FOXP2: variants seen among roughly 807,000 people sequenced by gnomAD.
FOXP2 encodes forkhead box protein P2.
FOXP2 carries 12 observed loss-of-function variants against 115.8 expected under a neutral mutation model. The observed-to-expected ratio is 0.10, with a 90% CI of 0.07 to 0.17. The LOEUF (loss-of-function observed/expected upper bound fraction) is 0.17. FOXP2 is among the 10% of genes least tolerant of loss of function. FOXP2 has a pLI of 1.00. For missense variants in FOXP2, 629 were observed against 843.5 expected, an observed-to-expected ratio of 0.75 and a Z score of 3.15; for synonymous variants, 328 against 297.7, an observed-to-expected ratio of 1.10 and a Z score of -1.05.
rs139642996 is a variant in FOXP2 at position 114,550,845 on chromosome 7, A to G, written c.258+16139A>G. 2.7e-3 allele frequency among the ~76,000 whole-genome samples: 415 copies of G among 152,354 alleles called. 2 individuals carry two copies. The highest frequency in any genetic ancestry group is 4.5e-3 in the Non-Finnish European group (307 of 68,020). ...TTTAAAAGAAACATCTGTTCTAAGA[A>G]TAATTGATAGTAAGCAATATTTTTT... On this transcript the variant is annotated intron_variant, in intron 3 of 16. Transcript: ENST00000350908.
chr7:114,420,866 A>C lies in FOXP2; in HGVS notation c.-11+5506A>C, dbSNP rs146438865. Among the ~76,000 whole-genome samples, 5 of 151,960 alleles carry C rather than the reference A, an allele frequency of 3.3e-5. No homozygotes were observed. The East Asian group carries it at 9.7e-4, about 29-fold the overall frequency. On this transcript the variant is annotated intron_variant, in intron 1 of 16. Transcript: ENST00000350908. Reference sequence around the variant, plus strand: ...TTAAAAGGAAGACTGACAATTTAGCATGTACCTTGAAAAGTAAAAATTGGT... The same window carrying C: ...TTAAAAGGAAGACTGACAATTTAGCCTGTACCTTGAAAAGTAAAAATTGGT...
intron 2 of FOXP2, chr7:114,462,949 G>T: frequency 9.9e-6 from 3 of 303,150 alleles, no homozygotes; most frequent in South Asian, 7.7e-5. Context: ...AATGATACAA[G>T]AATCAATCAA....
chr7:114,472,751 A>C (rs892183516), intron 2 of FOXP2, among the ~76,000 whole-genome samples: 14 of 152,130 alleles, frequency 9.2e-5, no homozygotes, highest in African/African-American at 3.1e-4. Flanking sequence ...AGTTCAGATA[A>C]GGTTTTCCTT....
chr7:114,640,544 C>A (rs1246633953), intron 6 of FOXP2, among the ~76,000 whole-genome samples: 1 of 152,128 alleles, frequency 6.6e-6, no homozygotes, highest in Non-Finnish European at 1.5e-5. Context: ...TTCCTATTGG[C>A]TACTGGCCAA....
intron 2 of FOXP2, among the ~76,000 whole-genome samples, chr7:114,377,965 C>T (rs1239086713): frequency 6.6e-6 from 1 of 152,106 alleles, no homozygotes; most frequent in Non-Finnish European, 1.5e-5. Context: ...CATGCTCGCT[C>T]CCCTCTCTCC....
At chr7:114,301,300 T>C (rs1796874380) in intron 2 of FOXP2, among the ~76,000 whole-genome samples, 1 of 152,134 alleles carries the variant, frequency 6.6e-6, no homozygotes, top group Non-Finnish European at 1.5e-5. Context: ...AAAATACCTT[T>C]ATTTCATACA....
At chr7:114,368,704 C>A (rs1791937775) in intron 2 of FOXP2, among the ~76,000 whole-genome samples, 1 of 152,212 alleles carries the variant, frequency 6.6e-6, no homozygotes, top group East Asian at 1.9e-4. Context: ...GTGTTGCATG[C>A]TGCTAACTGC....
chr7:114,269,804 A>T (rs928672526), intron 1 of FOXP2, among the ~76,000 whole-genome samples: 11 of 152,184 alleles, frequency 7.2e-5, no homozygotes, highest in Non-Finnish European at 1.5e-4. Flanking sequence ...CTCAGTAAAA[A>T]GGATAAATTT....
chr7:114,590,585 G>T (rs1420094639), intron 3 of FOXP2, among the ~76,000 whole-genome samples: 2 of 152,146 alleles, frequency 1.3e-5, no homozygotes, highest in African/African-American at 4.8e-5. Flanking sequence ...CTTATATGCA[G>T]ATATATGCAG....
chr7:114,652,055 C>A (rs1215709546), intron 8 of FOXP2, 148 bp from the exon 9 acceptor site: 2 of 725,402 alleles, frequency 2.8e-6, no homozygotes, highest in African/African-American at 3.5e-5. Context: ...ACGTAAGCAG[C>A]TTTAACTTTT....
chr7:114,476,362 A>G (rs1371424817), intron 2 of FOXP2, among the ~76,000 whole-genome samples: 4 of 151,944 alleles, frequency 2.6e-5, no homozygotes, highest in Non-Finnish European at 2.9e-5. Context: ...TCCCAGAGCT[A>G]TTTATTGAAT....
At chr7:114,114,334 AATTCTACAAAAGATTTCTTGTGTTGG>A (rs557053834) in intron 1 of FOXP2, among the ~76,000 whole-genome samples, 126 of 151,802 alleles carry the variant, frequency 8.3e-4, no homozygotes, top group African/African-American at 3.0e-3. Flanking sequence ...CTTTGGACTA[AATTCTACAAAAGATTTCTTGTGTTGG>A]ATCTTACTTG....
intron 1 of FOXP2, among the ~76,000 whole-genome samples, chr7:114,271,230 G>C (rs946903071): frequency 6.6e-6 from 1 of 151,520 alleles, no homozygotes; most frequent in Non-Finnish European, 1.5e-5. Context: ...CAAACAAAGA[G>C]AGTTTTATTT....
At chr7:114,377,616 C>T (rs945406347) in intron 2 of FOXP2, among the ~76,000 whole-genome samples, 1 of 152,158 alleles carries the variant, frequency 6.6e-6, no homozygotes, top group Non-Finnish European at 1.5e-5. Flanking sequence ...TCTTACTGGA[C>T]AGTGGACTGG....
intron 2 of FOXP2, among the ~76,000 whole-genome samples, chr7:114,372,504 A>C (rs1792037977): frequency 6.6e-6 from 1 of 152,228 alleles, no homozygotes; most frequent in Non-Finnish European, 1.5e-5. Context: ...AAACTATTTT[A>C]AAAGCACTGA....
chr7:114,546,607 C>A (rs1376778366), intron 3 of FOXP2, among the ~76,000 whole-genome samples: 1 of 152,084 alleles, frequency 6.6e-6, no homozygotes, highest in Non-Finnish European at 1.5e-5. Flanking sequence ...CACCCCTTAT[C>A]TGATTGGCAA....
chr7:114,324,116 T>C (rs956669382), intron 2 of FOXP2, among the ~76,000 whole-genome samples: 1 of 151,860 alleles, frequency 6.6e-6, no homozygotes, highest in Admixed American at 6.6e-5. Context: ...CACTAGGACC[T>C]TTTTTTCTTT....
In FOXP2 at chr7:114,290,364, G is replaced by A. The variant is rs567422783; in HGVS notation, c.-11+2255G>A. ...GGTAAATGCATAGTTAGGCATGTGG[G>A]TGGATGTGTTTTACTTCAAGATATT... On this transcript the variant is annotated intron_variant, in intron 2 of 17. Transcript: ENST00000634411. Among the ~76,000 whole-genome samples, 71 of 152,084 alleles carry A rather than the reference G, an allele frequency of 4.7e-4. 1 individual carries two copies. The highest frequency in any genetic ancestry group is 8.8e-4 in the Non-Finnish European group (60 of 67,946).
At chr7:114,316,650 T>C (rs1439251381) in intron 2 of FOXP2, among the ~76,000 whole-genome samples, 2 of 151,988 alleles carry the variant, frequency 1.3e-5, no homozygotes, top group Non-Finnish European at 1.5e-5. Flanking sequence ...CCTGTAGATA[T>C]GAGAGAAGAG....
Sources: allele counts gnomAD v4.1 joint callset (sites outside exome capture counted in the v4.1 genomes callset), GRCh38; gene constraint gnomAD v4.1.1; transcripts MANE v1.5; gene names NCBI Gene and HGNC (gene_info 2026-07-23, HGNC 2026-07-21).